ZNF354B: variants seen among roughly 807,000 people sequenced by gnomAD.
ZNF354B encodes the protein zinc finger protein 354B.
Under a neutral mutation model 12.9 loss-of-function variants are expected in ZNF354B, and 10 were observed. The observed-to-expected ratio is 0.77, with a 90% CI of 0.48 to 1.31. The LOEUF (loss-of-function observed/expected upper bound fraction) is 1.31, where lower values mean the gene tolerates loss of function less well. Ranked by LOEUF, ZNF354B falls within the 40% of genes most tolerant of loss-of-function variation. The probability of loss-of-function intolerance (pLI) is 0.00; values close to 1 mark genes in which losing one functional copy is unlikely to be tolerated. For synonymous variants in ZNF354B, 260 were observed against 243.7 expected (o/e 1.07, Z -0.62); for missense variants, 614 against 711.7 (o/e 0.86, Z 1.56).
intron 1 of ZNF354B, among the ~76,000 whole-genome samples, chr5:178,860,372 CT>C (rs1757327162): frequency 6.6e-6 from 1 of 152,024 alleles, no homozygotes; most frequent in South Asian, 2.1e-4. Context: ...CGGGCCCACC[CT>C]GCGCGCGCCG....
intron 2 of ZNF354B, among the ~76,000 whole-genome samples, chr5:178,863,687 A>G (rs1238816927): frequency 6.6e-6 from 1 of 152,112 alleles, no homozygotes; most frequent in Non-Finnish European, 1.5e-5. Context: ...GTTCTTTGAG[A>G]GGTATGCAGA....
At chr5:178,876,945 T>G (rs1233088339) in intron 4 of ZNF354B, among the ~76,000 whole-genome samples, 1 of 150,792 alleles carries the variant, frequency 6.6e-6, no homozygotes, top group African/African-American at 2.4e-5. Flanking sequence ...TTTTTTGTCT[T>G]ACAGTGTTGC....
At position 178,884,881 on chromosome 5, in the gene ZNF354B, AAT is replaced by A. The variant is rs755674532; in HGVS notation, c.*603_*604del. 4 of 151,198 alleles carry A rather than the reference AAT, an allele frequency of 2.6e-5. No individual in the cohort carries two copies. Among genetic ancestry groups the A allele is most frequent in the Non-Finnish European group, 3.0e-5 (2 of 67,766 alleles). 9.4% of individuals were successfully genotyped at this position (151,198 alleles called of 1,614,324 possible). On this transcript the variant is annotated 3_prime_UTR_variant, in exon 5 of 5. Coordinates refer to ENST00000322434, the MANE Select transcript of ZNF354B (RefSeq NM_058230.3). ...GGACTACATTCGCACTTTCTCCTGA[AAT>A]ATATATATATATGCAGTATTAGAGC...
chr5:178,871,354 G>A (rs1004898055), intron 4 of ZNF354B, among the ~76,000 whole-genome samples: 31 of 152,174 alleles, frequency 2.0e-4, no homozygotes, highest in African/African-American at 7.2e-4. Flanking sequence ...GTTCTTCGTG[G>A]CAGTCATGCG....
At chr5:178,873,948 T>A (rs1489221923) in intron 4 of ZNF354B, among the ~76,000 whole-genome samples, 2 of 146,598 alleles carry the variant, frequency 1.4e-5, no homozygotes, top group East Asian at 3.9e-4. Context: ...CCTCTGTTTT[T>A]TTTTTCTTTT....
chr5:178,882,795 G>A lies in ZNF354B; in HGVS notation c.343G>A (p.Glu115Lys), dbSNP rs1412378682. 4 of 1,600,232 alleles carry A rather than the reference G, an allele frequency of 2.5e-6. No homozygotes were observed. The highest frequency in any genetic ancestry group is 1.4e-5 in the African/African-American group (1 of 74,008). ...GATAAGGAAAAGATTGAAAAGGGAT[G>A]AACCCTGGAACTTCATATCAGAAAG... Reference protein sequence around the residue: ...EQIRKRLKRDEPWNFISERSC... With the variant: ...EQIRKRLKRDKPWNFISERSC... Residue 115 changes from glutamate to lysine, a missense_variant, in exon 5 of 5, where the codon GAA (glutamate) becomes AAA (lysine). Coordinates refer to ENST00000322434, the MANE Select transcript of ZNF354B (RefSeq NM_058230.3).
chr5:178,876,076 G>T (rs1489821235), intron 4 of ZNF354B, among the ~76,000 whole-genome samples: 1 of 152,194 alleles, frequency 6.6e-6, no homozygotes, highest in Non-Finnish European at 1.5e-5. Context: ...CGGGCCCTGT[G>T]TTCCTTCCCA....
At chr5:178,876,250 G>A (rs1757636200) in intron 4 of ZNF354B, among the ~76,000 whole-genome samples, 1 of 152,236 alleles carries the variant, frequency 6.6e-6, no homozygotes, top group Admixed American at 6.5e-5. Flanking sequence ...GCCCTGTCCA[G>A]TGAGGAGAAG....
chr5:178,880,083 G>A (rs1186311877), intron 4 of ZNF354B, among the ~76,000 whole-genome samples: 2 of 152,156 alleles, frequency 1.3e-5, no homozygotes, highest in African/African-American at 2.4e-5. Flanking sequence ...CTGAGATCAC[G>A]TCACCGCACT....
chr5:178,861,138 C>T (rs1176977032), intron 2 of ZNF354B, 58 bp downstream of exon 2: 4 of 667,070 alleles, frequency 6.0e-6, no homozygotes, highest in Non-Finnish European at 1.1e-5. Flanking sequence ...AACTGGAGTT[C>T]TTCACCCGGG....
intron 4 of ZNF354B, among the ~76,000 whole-genome samples, chr5:178,872,953 A>C (rs1178288024): frequency 1.3e-5 from 2 of 151,820 alleles, no homozygotes; most frequent in African/African-American, 4.8e-5. Context: ...CACCCAGCTA[A>C]TTTTTGGCAT....
rs756726864 is a variant in ZNF354B, at chr5:178,882,678, G to A, written c.257-31G>A. Reference sequence around the variant, plus strand: ...AGTCTCAGCCAATCACATGAATCATGGGCTGTTGCTTTCTTTTTTTCTTTT... The same window carrying A: ...AGTCTCAGCCAATCACATGAATCATAGGCTGTTGCTTTCTTTTTTTCTTTT... On this transcript the variant is annotated intron_variant, in intron 4 of 4. Transcript: ENST00000322434. 3 of 1,519,802 alleles carry A rather than the reference G, an allele frequency of 2.0e-6. No individual in the cohort carries two copies. The East Asian group carries it at 6.9e-5, about 35-fold the overall frequency. The allele number at this position is 1,519,802 out of a possible 1,614,324, so 94.1% of individuals were successfully genotyped here. A position where few individuals can be genotyped will look rare whatever the true frequency, so the allele number is the denominator to read the frequency against.
chr5:178,862,362 C>CTTTTTTTTT (rs769224561), intron 2 of ZNF354B, among the ~76,000 whole-genome samples: 2 of 105,618 alleles, frequency 1.9e-5, no homozygotes, highest in Non-Finnish European at 3.6e-5. Context: ...GTGGCATTAT[C>CTTTTTTTTT]TTTTTTTTTT....
rs201013433 is a variant in ZNF354B, at chr5:178,869,729, T to C, written c.256+2658T>C. Among the ~76,000 whole-genome samples the C allele has an allele frequency of 9.8e-4, 149 of 152,184 alleles. 1 individual carries two copies. The highest frequency in any genetic ancestry group is 9.5e-3 in the East Asian group (49 of 5,162). On this transcript the variant is annotated intron_variant, in intron 4 of 4. Transcript: ENST00000322434. ...GGAGGATGGCCCTGCGGGAAAACCC[T>C]GAGCAGTTGATTGAGTAAGAAAGGA...
At chr5:178,879,660 T>C (rs866177924) in intron 4 of ZNF354B, among the ~76,000 whole-genome samples, 1 of 152,172 alleles carries the variant, frequency 6.6e-6, no homozygotes, top group Non-Finnish European at 1.5e-5. Context: ...ATTACAGGTG[T>C]GAGCCGCCGT....
chr5:178,874,657 A>G (rs1344969471), intron 4 of ZNF354B, among the ~76,000 whole-genome samples: 3 of 152,140 alleles, frequency 2.0e-5, no homozygotes, highest in African/African-American at 4.8e-5. Context: ...TAATCCTTAC[A>G]TTCCTTGGAT....
At chr5:178,861,889 A>T (rs1757353915) in intron 2 of ZNF354B, among the ~76,000 whole-genome samples, 1 of 152,166 alleles carries the variant, frequency 6.6e-6, no homozygotes, top group South Asian at 2.1e-4. Context: ...AGCGTAGATG[A>T]AGGGATCACA....
At chr5:178,868,417 A>C (rs1294094859) in intron 4 of ZNF354B, among the ~76,000 whole-genome samples, 1 of 147,968 alleles carries the variant, frequency 6.8e-6, no homozygotes, top group South Asian at 2.2e-4. Context: ...CTGGGGGATC[A>C]AGGTTGAACC....
intron 2 of ZNF354B, among the ~76,000 whole-genome samples, chr5:178,865,697 T>C (rs1757437185): frequency 6.6e-6 from 1 of 152,202 alleles, no homozygotes; most frequent in Non-Finnish European, 1.5e-5. Context: ...AATACAAAGC[T>C]CTAAATATAG....
Sources: gnomAD v4.1 joint callset for allele counts (sites outside exome capture counted in the v4.1 genomes callset) on GRCh38, gnomAD v4.1.1 for gene constraint, MANE v1.5 for transcripts, NCBI Gene and HGNC (gene_info 2026-07-23, HGNC 2026-07-21) for gene names.